The following GSPT1 variants were observed in gnomAD, a reference collection of about 807,000 sequenced individuals.
GSPT1 encodes the protein G1 to S phase transition 1.
In GSPT1, 20 loss-of-function variants were observed where a neutral mutation model predicts 72.5. The ratio of observed to expected loss-of-function variants is 0.28; its 90% CI spans 0.19 to 0.40. The LOEUF (loss-of-function observed/expected upper bound fraction) is 0.40. GSPT1 is among the 10% of genes least tolerant of loss of function. GSPT1 has a pLI of 1.00. For missense variants in GSPT1, 580 were observed against 811.9 expected, an observed-to-expected ratio of 0.71 and a Z score of 3.47; for synonymous variants, 334 against 293.5, an observed-to-expected ratio of 1.14 and a Z score of -1.41.
At chr16:11,915,292 G>A in intron 1 of GSPT1, 77 bp downstream of exon 1, 5 of 1,261,628 alleles carry the variant, frequency 4.0e-6, no homozygotes, top group South Asian at 2.7e-5. Flanking sequence ...CCAGGGCCGC[G>A]CGCCCCCGGA....
chr16:11,901,574 G>C (rs1295488933), intron 1 of GSPT1, among the ~76,000 whole-genome samples: 1 of 151,624 alleles, frequency 6.6e-6, no homozygotes, highest in African/African-American at 2.4e-5. Context: ...AACTAAGTTT[G>C]AGACCAGCCT....
At chr16:11,899,291 T>C (rs575149757) in intron 1 of GSPT1, among the ~76,000 whole-genome samples, 102 of 152,298 alleles carry the variant, frequency 6.7e-4, no homozygotes, top group African/African-American at 2.4e-3. Context: ...GTAAAGTAAT[T>C]TCCTGTCCCT....
upstream of GSPT1, among the ~76,000 whole-genome samples, chr16:11,916,343 C>T (rs1183595823): frequency 6.6e-6 from 1 of 152,208 alleles, no homozygotes; most frequent in Non-Finnish European, 1.5e-5. Context: ...AGTATTTTAG[C>T]CCATAGGAGG....
intron 11 of GSPT1, 87 bp downstream of exon 11, chr16:11,882,928 G>C: frequency 3.7e-6 from 3 of 820,524 alleles, no homozygotes; most frequent in South Asian, 3.0e-5. Context: ...CTGTACTCCT[G>C]CCTCGGTGAC....
chr16:11,910,891 A>G (rs186388975), intron 1 of GSPT1, among the ~76,000 whole-genome samples: 6 of 152,366 alleles, frequency 3.9e-5, no homozygotes, highest in Admixed American at 3.3e-4. Flanking sequence ...GGCACAGCAC[A>G]GCCCTAGATG....
intron 5 of GSPT1, 52 bp from the exon 6 acceptor site, chr16:11,891,191 A>C (rs2054253920): frequency 1.1e-6 from 1 of 931,606 alleles, no homozygotes; most frequent in Non-Finnish European, 1.6e-6. Flanking sequence ...CAAATTACTC[A>C]GTGGAATTAG....
rs993408314 is a variant in GSPT1 at position 11,872,739 on chromosome 16, G to A, written c.*380C>T. 3.5e-5 allele frequency: 6 copies of A among 173,042 alleles called. No homozygotes were observed. Among genetic ancestry groups the A allele is most frequent in the Admixed American group, 6.1e-5 (1 of 16,398 alleles). The allele number at this position is 173,042 out of a possible 1,614,324, so 10.7% of individuals were successfully genotyped here. A position where few individuals can be genotyped will look rare whatever the true frequency, so the allele number is the denominator to read the frequency against. ...CTTTGTAACATGTGCACACACACTC[G>A]CACACTCAGAATGATCTGCCTGGGG... On this transcript the variant is annotated 3_prime_UTR_variant, in exon 15 of 15. Transcript: ENST00000434724.
intron 1 of GSPT1, among the ~76,000 whole-genome samples, chr16:11,912,347 CAAAAAAAAAA>C (rs57472965): frequency 1.8e-5 from 2 of 110,768 alleles, no homozygotes; most frequent in African/African-American, 6.8e-5. Context: ...GACTCCGTCT[CAAAAAAAAAA>C]AAAAACAAAA....
rs1270997438 is a variant in GSPT1, at chr16:11,915,436, C to T, written c.285G>A (p.Ala95=). Residue 95 remains alanine, a synonymous_variant, in exon 1 of 15, where the codon GCG becomes GCA. Transcript: ENST00000434724. ...FVPSFLRGPA[A]PPPPVGGAAN... ...CGGCGCCGCCAACTGGGGGTGGCGG[C>T]GCTGCCGGGCCCCGCAGGAAGGACG... 1 of 1,522,508 alleles carries T rather than the reference C, an allele frequency of 6.6e-7. No homozygotes were observed. Among genetic ancestry groups the T allele is most frequent in the Non-Finnish European group, 8.8e-7 (1 of 1,138,868 alleles). The allele number at this position is 1,522,508 out of a possible 1,614,324, so 94.3% of individuals were successfully genotyped here.
At chr16:11,906,374 T>C (rs945892687) in intron 1 of GSPT1, among the ~76,000 whole-genome samples, 6 of 152,162 alleles carry the variant, frequency 3.9e-5, no homozygotes, top group Admixed American at 2.0e-4. Flanking sequence ...TTCCCGCCTA[T>C]AAACCCAGCA....
intron 1 of GSPT1, among the ~76,000 whole-genome samples, chr16:11,912,154 C>T (rs1367970723): frequency 6.6e-6 from 1 of 151,116 alleles, no homozygotes; most frequent in Non-Finnish European, 1.5e-5. Context: ...ACCAGCCTAG[C>T]CAACATGGTG....
chr16:11,887,444 G>A (rs937856029), intron 7 of GSPT1, 126 bp downstream of exon 7: 2 of 724,496 alleles, frequency 2.8e-6, no homozygotes, highest in Non-Finnish European at 2.3e-6. Flanking sequence ...GATGAAAACT[G>A]TGACCGTGTA....
chr16:11,885,125 T>A, intron 10 of GSPT1, 56 bp downstream of exon 10: 1 of 813,112 alleles, frequency 1.2e-6, no homozygotes, highest in Non-Finnish European at 2.1e-6. Flanking sequence ...AGAAACAAAA[T>A]GCACAACAAT....
chr16:11,914,596 A>G (rs947724308), intron 1 of GSPT1, among the ~76,000 whole-genome samples: 4 of 152,260 alleles, frequency 2.6e-5, no homozygotes, highest in Non-Finnish European at 4.4e-5. Flanking sequence ...GAATAAGGTC[A>G]ACGATTTTAC....
In GSPT1 at chr16:11,887,694, A is replaced by G. The variant is rs2054201183; in HGVS notation, c.833T>C (p.Val278Ala). ...TTCAAAATAGGCACGACCCACTTCTACTGTTTTACCCTTGTCTCGTTCTTC... is the reference window on the plus strand; with the variant it reads ...TTCAAAATAGGCACGACCCACTTCTGCTGTTTTACCCTTGTCTCGTTCTTC... ...NQEERDKGKT[V>A]EVGRAYFETE... The change falls in exon 7 of 15, where the codon GTA becomes GCA. Residue 278 changes from valine to alanine, a missense_variant. Transcript: ENST00000434724. The G allele has an allele frequency of 1.2e-6, 2 of 1,613,160 alleles. No homozygotes were observed. Among genetic ancestry groups the G allele is most frequent in the African/African-American group, 2.7e-5 (2 of 74,906 alleles).
At position 11,915,388 on chromosome 16, in the gene GSPT1, G is replaced by A. The variant is rs914783969; in HGVS notation, c.333C>T (p.Ser111=). The change falls in exon 1 of 15, where the codon AGC becomes AGT. Residue 111 remains serine, a synonymous_variant. Coordinates refer to ENST00000434724, the MANE Select transcript of GSPT1 (RefSeq NM_002094.4). ...CTTTACCCGCACGGCCTCCCGCGCCGCTGCCGGCTCCGTGGTTATTGGCGG... is the reference window on the plus strand; with the variant it reads ...CTTTACCCGCACGGCCTCCCGCGCCACTGCCGGCTCCGTGGTTATTGGCGG... ...GGAANNHGAG[S]GAGGRAAPVE... 89 of 1,491,494 alleles carry A rather than the reference G, an allele frequency of 6.0e-5. No homozygotes were observed. Among genetic ancestry groups the A allele is most frequent in the Non-Finnish European group, 7.6e-5 (86 of 1,125,484 alleles). The allele number at this position is 1,491,494 out of a possible 1,614,324, so 92.4% of individuals were successfully genotyped here.
chr16:11,898,399 ATT>A (rs2054365670), intron 1 of GSPT1, among the ~76,000 whole-genome samples: 2 of 148,556 alleles, frequency 1.3e-5, no homozygotes, highest in Admixed American at 1.3e-4. Flanking sequence ...ACTTCCCGTG[ATT>A]CTCTCTAGGT....
upstream of GSPT1, chr16:11,915,971 C>T (rs371693136): frequency 2.8e-6 from 2 of 719,296 alleles, no homozygotes; most frequent in Middle Eastern, 2.4e-4. Flanking sequence ...CTCCTCCCAC[C>T]CAACCACCTC....
In GSPT1 at chr16:11,877,701, T is replaced by TCATACAAACATAAGTG; in HGVS notation, c.1429-122_1429-121insCACTTATGTTTGTATG. ...CAAGATTTGACTGTAAACACTTATG[T>TCATACAAACATAAGTG]TTGTATGACATAAAATCTTAGCCTA... On this transcript the variant is annotated intron_variant, in intron 11 of 14. Transcript: ENST00000434724. This position sits in a 1 kb window ranked among gnomAD's most constrained non-coding sequence, Gnocchi z 4.0. 1.6e-6 allele frequency: 1 copy of TCATACAAACATAAGTG among 612,212 alleles called. No individual in the cohort carries two copies. The highest frequency in any genetic ancestry group is 2.8e-6 in the Non-Finnish European group (1 of 360,848). The allele number at this position is 612,212 out of a possible 1,614,324, so 37.9% of individuals were successfully genotyped here. A position where few individuals can be genotyped will look rare whatever the true frequency, so the allele number is the denominator to read the frequency against.
Sources: allele counts gnomAD v4.1 joint callset (sites outside exome capture counted in the v4.1 genomes callset), GRCh38; gene constraint gnomAD v4.1.1; non-coding constraint Gnocchi (gnomAD v3.1); transcripts MANE v1.5; gene names NCBI Gene and HGNC (gene_info 2026-07-23, HGNC 2026-07-21).